The following CHRM2 variants were observed in gnomAD, a reference collection of about 807,000 sequenced individuals.
CHRM2 encodes cholinergic receptor muscarinic 2.
A neutral mutation model predicts 25.0 loss-of-function variants in CHRM2; 8 were observed. The observed-to-expected ratio is 0.32, with a 90% CI of 0.19 to 0.58. The LOEUF is 0.58. CHRM2 is among the 20% of genes least tolerant of loss of function. The pLI, the probability that CHRM2 is intolerant of heterozygous loss-of-function variation, is 0.88. For synonymous variants in CHRM2, 202 were observed against 205.7 expected, an observed-to-expected ratio of 0.98 and a Z score of 0.15; for missense variants, 440 against 567.1, an observed-to-expected ratio of 0.78 and a Z score of 2.28.
chr7:136,872,761 AGAG>A (rs1795890559), intron 2 of CHRM2, among the ~76,000 whole-genome samples: 1 of 152,356 alleles, frequency 6.6e-6, no homozygotes, highest in Non-Finnish European at 1.5e-5. Flanking sequence ...AAGAGGGAGA[AGAG>A]AAGAAATTAG....
intron 2 of CHRM2, among the ~76,000 whole-genome samples, chr7:136,928,093 A>G (rs977189718): frequency 2.0e-5 from 3 of 152,212 alleles, no homozygotes; most frequent in South Asian, 2.1e-4. Context: ...GGAAAGGGAC[A>G]TTAAATGTAT....
chr7:136,971,176 G>A (rs1178489358), intron 2 of CHRM2, among the ~76,000 whole-genome samples: 1 of 152,122 alleles, frequency 6.6e-6, no homozygotes, highest in Non-Finnish European at 1.5e-5. Context: ...AGATCAATTT[G>A]TTCATTTTCT....
intron 2 of CHRM2, among the ~76,000 whole-genome samples, chr7:136,931,173 T>C (rs1375183368): frequency 6.6e-6 from 1 of 152,176 alleles, no homozygotes; most frequent in African/African-American, 2.4e-5. Context: ...GATAGAAACA[T>C]GTTCAAAACT....
intron 2 of CHRM2, among the ~76,000 whole-genome samples, chr7:136,915,798 T>C (rs1379877091): frequency 6.6e-6 from 1 of 150,440 alleles, no homozygotes; most frequent in East Asian, 2.0e-4. Flanking sequence ...CTCCAAACAA[T>C]AAAAAATATG....
intron 2 of CHRM2, among the ~76,000 whole-genome samples, chr7:136,906,526 T>C (rs1172290672): frequency 6.6e-6 from 1 of 151,862 alleles, no homozygotes; most frequent in African/African-American, 2.4e-5. Flanking sequence ...CCTTATACTG[T>C]AGAATTATTA....
In CHRM2 at chr7:137,015,112, T is replaced by C; in HGVS notation, c.247T>C (p.Tyr83His). 6.2e-7 allele frequency: 1 copy of C among 1,613,564 alleles called. No individual in the cohort carries two copies. Among genetic ancestry groups the C allele is most frequent in the Non-Finnish European group, 8.5e-7 (1 of 1,179,632 alleles). ...GVFSMNLYTL[Y>H]TVIGYWPLGP... ...TTTCTCCATGAACTTGTACACCCTC[T>C]ACACTGTGATTGGTTACTGGCCTTT... The change falls in exon 4 of 4, where the codon TAC becomes CAC. Residue 83 changes from tyrosine to histidine, a missense_variant. Transcript: ENST00000680005. The surrounding 1 kb of genome is among the most constrained non-coding windows in gnomAD (Gnocchi z 5.1).
chr7:136,897,216 A>C (rs73158708), intron 2 of CHRM2, among the ~76,000 whole-genome samples: 33,300 of 151,640 alleles, frequency 0.22, 4,800 homozygotes, highest in Non-Finnish European at 0.32. Flanking sequence ...AGGTGTCATG[A>C]GAGGGATGAT....
chr7:137,011,351 T>G (rs1022041571), intron 3 of CHRM2, among the ~76,000 whole-genome samples: 3 of 151,612 alleles, frequency 2.0e-5, no homozygotes, highest in African/African-American at 7.3e-5. Flanking sequence ...GCCTCAGAAC[T>G]AGGGAAGTGG....
intron 3 of CHRM2, among the ~76,000 whole-genome samples, chr7:136,997,221 C>G (rs1421883215): frequency 6.6e-6 from 1 of 152,152 alleles, no homozygotes; most frequent in Non-Finnish European, 1.5e-5. Context: ...GTATTGCATG[C>G]TCATGTATGT....
chr7:137,016,445 G>A lies in CHRM2; in HGVS notation c.*179G>A. 1.6e-6 allele frequency: 1 copy of A among 641,942 alleles called. No homozygotes were observed. Among genetic ancestry groups the A allele is most frequent in the Non-Finnish European group, 2.8e-6 (1 of 361,376 alleles). 39.8% of individuals were successfully genotyped at this position (641,942 alleles called of 1,614,324 possible). A position where few individuals can be genotyped will look rare whatever the true frequency, so the allele number is the denominator to read the frequency against. ...GCCTAGGCTCCAGTTTGCAAAAATTGCACCTTATAAACTGTCAGTATTAGG... is the reference window on the plus strand; with the variant it reads ...GCCTAGGCTCCAGTTTGCAAAAATTACACCTTATAAACTGTCAGTATTAGG... On this transcript the variant is annotated 3_prime_UTR_variant, in exon 4 of 4. Coordinates refer to ENST00000680005, the MANE Select transcript of CHRM2 (RefSeq NM_001006630.2).
chr7:136,969,437 A>G (rs1801623899), intron 2 of CHRM2, among the ~76,000 whole-genome samples: 1 of 152,112 alleles, frequency 6.6e-6, no homozygotes, highest in Admixed American at 6.6e-5. Flanking sequence ...ATGTCTCCAA[A>G]TTCTTGACTG....
At chr7:136,989,432 T>C (rs1803070089) in intron 2 of CHRM2, among the ~76,000 whole-genome samples, 1 of 152,132 alleles carries the variant, frequency 6.6e-6, no homozygotes, top group Admixed American at 6.6e-5. Flanking sequence ...AGATGCTTAA[T>C]TGAGAAGTAG....
intron 2 of CHRM2, among the ~76,000 whole-genome samples, chr7:136,897,024 T>C (rs955873142): frequency 6.6e-6 from 1 of 151,550 alleles, no homozygotes; most frequent in African/African-American, 2.4e-5. Flanking sequence ...CCAAAGTTAA[T>C]GTCAGTGTGG....
At chr7:136,956,887 T>C (rs181481271) in intron 2 of CHRM2, among the ~76,000 whole-genome samples, 111 of 151,902 alleles carry the variant, frequency 7.3e-4, no homozygotes, top group African/African-American at 2.4e-3. Flanking sequence ...TGTAATGCAA[T>C]AGGGTGAGGA....
chr7:136,894,530 CCTGA>C (rs1187585554), intron 2 of CHRM2, among the ~76,000 whole-genome samples: 1 of 151,978 alleles, frequency 6.6e-6, no homozygotes, highest in Non-Finnish European at 1.5e-5. Flanking sequence ...TGCCACCACG[CCTGA>C]CTAATTTTTG....
chr7:136,911,142 G>A (rs984102676), intron 2 of CHRM2, among the ~76,000 whole-genome samples: 2 of 151,824 alleles, frequency 1.3e-5, no homozygotes, highest in Non-Finnish European at 2.9e-5. Context: ...CAAACTAAGA[G>A]TTGGGTTTCA....
At chr7:136,974,129 C>G (rs1372355864) in intron 2 of CHRM2, among the ~76,000 whole-genome samples, 4 of 151,896 alleles carry the variant, frequency 2.6e-5, no homozygotes, top group African/African-American at 9.7e-5. Flanking sequence ...TTTATGTCAC[C>G]TGAATTAATT....
At chr7:136,886,858 G>A (rs576339916) in intron 2 of CHRM2, among the ~76,000 whole-genome samples, 1 of 152,266 alleles carries the variant, frequency 6.6e-6, no homozygotes, top group East Asian at 1.9e-4. Flanking sequence ...GAGCAACAGA[G>A]TGAGACCCTG....
At chr7:136,920,643 C>A (rs1798376347) in intron 2 of CHRM2, among the ~76,000 whole-genome samples, 1 of 152,240 alleles carries the variant, frequency 6.6e-6, no homozygotes, top group Middle Eastern at 3.4e-3. Flanking sequence ...ATGTGTAAAC[C>A]ATATTTGCAT....
Sources: gnomAD v4.1 joint callset for allele counts (sites outside exome capture counted in the v4.1 genomes callset) on GRCh38, gnomAD v4.1.1 for gene constraint, Gnocchi (gnomAD v3.1) non-coding constraint, MANE v1.5 for transcripts, NCBI Gene and HGNC (gene_info 2026-07-23, HGNC 2026-07-21) for gene names.